The following RGL4 variants were observed in gnomAD, a reference collection of about 807,000 sequenced individuals.
RGL4 encodes ral-GDS-related protein.
In RGL4, 41 loss-of-function variants were observed where a neutral mutation model predicts 49.6. The observed-to-expected ratio is 0.83, with a 90% CI of 0.64 to 1.07. The LOEUF is 1.07. Among genes scored for constraint, RGL4 ranks in the 50% least tolerant of loss-of-function variants. RGL4 has a pLI of 0.00. For synonymous variants in RGL4, 255 were observed against 238.0 expected, an observed-to-expected ratio of 1.07 and a Z score of -0.66; for missense variants, 610 against 591.9, an observed-to-expected ratio of 1.03 and a Z score of -0.32.
At chr22:23,695,682 T>A (rs560602783) in intron 6 of RGL4, among the ~76,000 whole-genome samples, 29 of 152,266 alleles carry the variant, frequency 1.9e-4, no homozygotes, top group African/African-American at 7.0e-4. Context: ...GTCAGAGGAT[T>A]CTCACCGGTT....
chr22:23,698,720 C>T lies in RGL4; in HGVS notation c.1383-124C>T, dbSNP rs1329626527. 17 of 1,251,636 alleles carry T rather than the reference C, an allele frequency of 1.4e-5. No individual in the cohort carries two copies. The Middle Eastern group carries it at 1.0e-3, about 75-fold the overall frequency. 77.5% of individuals were successfully genotyped at this position (1,251,636 alleles called of 1,614,324 possible). On this transcript the variant is annotated intron_variant, in intron 10 of 10. Coordinates refer to ENST00000290691, the MANE Select transcript of RGL4 (RefSeq NM_153615.2). ...CAGAGAGCCTATGGCCATGCCTCCA[C>T]GGCCAGCATCAAGCCCTGTTGCATG...
rs773950515 is a variant in RGL4 at position 23,698,236 on chromosome 22, C to T, written c.1285C>T (p.Gln429Ter). 1.2e-6 allele frequency: 2 copies of T among 1,609,308 alleles called. No individual in the cohort carries two copies. The highest frequency in any genetic ancestry group is 3.3e-5 in the Admixed American group (2 of 59,922). ...GGAGGTCCGAGTTCTGCAGGAAATG[C>T]AGCTGCTCCAAGTGGCTGCCATGAA... ...SKEVRVLQEM[Q>*]LLQVAAMNYR... Residue 429 changes from glutamine to a stop codon, truncating the protein, a stop_gained, in exon 10 of 11, where the codon CAG becomes TAG. Coordinates refer to ENST00000290691, the MANE Select transcript of RGL4 (RefSeq NM_153615.2). LOFTEE classifies it high-confidence loss of function.
chr22:23,698,993 G>T lies in RGL4; in HGVS notation c.*110G>T, dbSNP rs956277546. 4 of 1,556,772 alleles carry T rather than the reference G, an allele frequency of 2.6e-6. No homozygotes were observed. Among genetic ancestry groups the T allele is most frequent in the Non-Finnish European group, 3.5e-6 (4 of 1,150,014 alleles). On this transcript the variant is annotated 3_prime_UTR_variant, in exon 11 of 11. Coordinates refer to ENST00000290691, the MANE Select transcript of RGL4 (RefSeq NM_153615.2). ...GACACCAGGGAACCACATCTAGGAG[G>T]CTGGCAGCTCAGCTGCATCTTGCCC...
Position 23,697,187 on chromosome 22 carries a change from T to A in RGL4, c.1178T>A (p.Leu393Gln), listed in dbSNP as rs776735946. The change falls in exon 8 of 11, where the codon CTG (leucine) becomes CAG (glutamine). Residue 393 changes from leucine (L) to glutamine (Q), a missense_variant. By Grantham distance (113) the Leu-to-Gln change is moderately radical (BLOSUM62 -2). Transcript: ENST00000290691. Reference sequence around the variant, plus strand: ...TTGGCACAGGGTGTGGTCCCCTTCCTGGGGGATTTTCTGACTGAGTTACAG... The same window carrying A: ...TTGGCACAGGGTGTGGTCCCCTTCCAGGGGGATTTTCTGACTGAGTTACAG... Reference protein sequence around the residue: ...RRQKKGVVPFLGDFLTELQRL... With the variant: ...RRQKKGVVPFQGDFLTELQRL... 6 of 1,611,696 alleles carry A rather than the reference T, an allele frequency of 3.7e-6. No homozygotes were observed. The South Asian group carries it at 6.6e-5, about 18-fold the overall frequency.
chr22:23,692,320 C>G lies in RGL4; in HGVS notation c.180-15C>G, dbSNP rs1442783817. The G allele has an allele frequency of 6.2e-7, 1 of 1,613,258 alleles. No homozygotes were observed. The stretch of plus-strand genomic sequence containing the variant: ...AAGGCCAGGCCTCTGACTCAGCTGT[C>G]TACTCCATCACCAGCACCATCACCT... On this transcript the variant is annotated splice_polypyrimidine_tract_variant and intron_variant, in intron 1 of 10. Coordinates refer to ENST00000290691, the MANE Select transcript of RGL4 (RefSeq NM_153615.2).
At chr22:23,696,360 C>A in intron 6 of RGL4, 1 of 1,416,986 alleles carries the variant, frequency 7.1e-7, no homozygotes. Context: ...GCAACAGCTA[C>A]AGGAAACTGA....
intron 6 of RGL4, 71 bp from the exon 7 acceptor site, chr22:23,696,543 T>A: frequency 1.2e-6 from 2 of 1,608,790 alleles, no homozygotes; most frequent in Non-Finnish European, 1.7e-6. Context: ...GGGATCCAAG[T>A]GCGGGGTGGC....
Position 23,691,600 on chromosome 22 carries a change from T to G in RGL4, c.-431T>G, listed in dbSNP as rs1601282605. 5 of 176,898 alleles carry G rather than the reference T, an allele frequency of 2.8e-5. No homozygotes were observed. In the South Asian group the frequency reaches 6.9e-4, roughly 25 times the overall value. The allele number at this position is 176,898 out of a possible 1,614,324, so 11.0% of individuals were successfully genotyped here. A position where few individuals can be genotyped will look rare whatever the true frequency, so the allele number is the denominator to read the frequency against. ...AGTCATATCTACAGAATGTTACAGG[T>G]GAGACCCTCATGGCCTCCTCTACGT... On this transcript the variant is annotated 5_prime_UTR_variant, in exon 1 of 11. Transcript: ENST00000290691.
At chr22:23,698,137 C>G in intron 9 of RGL4, 75 bp from the exon 10 acceptor site, 1 of 1,559,332 alleles carries the variant, frequency 6.4e-7, no homozygotes, top group East Asian at 2.3e-5. Context: ...GGACCAGCCC[C>G]TTCTCCCTGC....
At chr22:23,694,851 G>A in intron 5 of RGL4, 99 bp from the exon 6 acceptor site, 1 of 952,234 alleles carries the variant, frequency 1.1e-6, no homozygotes, top group South Asian at 1.3e-5. Flanking sequence ...CTCTCACCCA[G>A]TAAGCTGGGA....
Position 23,692,501 on chromosome 22 carries a change from C to T in RGL4, c.346C>T (p.Pro116Ser). The change falls in exon 2 of 11, where the codon CCG (proline) becomes TCG (serine). Residue 116 changes from proline (P) to serine (S), a missense_variant. Coordinates refer to ENST00000290691, the MANE Select transcript of RGL4 (RefSeq NM_153615.2). ...AATTGTCCTAGGCCAGTTGGTGCTT[C>T]CGGAGCCCAACGAGGCCAAGCCAGA... is the stretch of plus-strand genomic sequence containing the variant. The part of the protein sequence containing the change: ...QEIVLGQLVL[P>S]EPNEAKPDDP... The T allele has an allele frequency of 1.9e-6, 3 of 1,614,058 alleles. No homozygotes were observed. Among genetic ancestry groups the T allele is most frequent in the Non-Finnish European group, 2.5e-6 (3 of 1,179,944 alleles).
chr22:23,693,444 AG>A (rs1172370176), intron 3 of RGL4, among the ~76,000 whole-genome samples: 1 of 152,168 alleles, frequency 6.6e-6, no homozygotes, highest in Non-Finnish European at 1.5e-5. Context: ...TTGGGATGGG[AG>A]GAAGACGAGG....
chr22:23,692,196 A>C lies in RGL4; in HGVS notation c.166A>C (p.Thr56Pro). The C allele has an allele frequency of 6.2e-7, 1 of 1,613,416 alleles. No homozygotes were observed. Among genetic ancestry groups the C allele is most frequent in the Non-Finnish European group, 8.5e-7 (1 of 1,179,426 alleles). Residue 56 changes from threonine (T) to proline (P), a missense_variant, in exon 1 of 11, where the codon ACT becomes CCT. Thr to Pro is a conservative substitution (Grantham distance 38, BLOSUM62 -1). Coordinates refer to ENST00000290691, the MANE Select transcript of RGL4 (RefSeq NM_153615.2). The stretch of plus-strand genomic sequence containing the variant: ...CCAGGTCTGCCCCTTCCAGGACAGC[A>C]CTGATGGCTTACGGTAGGGTGGGGC... ...YGQVCPFQDS[T>P]DGLRTITSIL...
chr22:23,695,596 G>A (rs902001495), intron 6 of RGL4: 3 of 372,442 alleles, frequency 8.1e-6, no homozygotes, highest in African/African-American at 6.4e-5. Flanking sequence ...GGGTACCAAT[G>A]GGCATACTGG....
rs368158686 is a variant in RGL4 at position 23,696,707 on chromosome 22, T to G, written c.1161+19T>G. ...GAAGAAGGTGAGTGAGCCTGTGGCA[T>G]GGACGGGCCGCAGGGGATCAGAGGA... is the stretch of plus-strand genomic sequence containing the variant. On this transcript the variant is annotated intron_variant, in intron 7 of 10. Transcript: ENST00000290691. 217 of 1,606,358 alleles carry G rather than the reference T, an allele frequency of 1.4e-4. 1 individual carries two copies. In the African/African-American group the frequency reaches 2.2e-3, roughly 16 times the overall value.
Position 23,691,046 on chromosome 22 carries a change from A to C in RGL4, c.-985A>C, listed in dbSNP as rs1923104816. ...TCGGAGCCTCGGTTGGCTCCTCTGG[A>C]ACAGGGAGTAGTGAGAAGACGAACC... On this transcript the variant is annotated 5_prime_UTR_variant, in exon 1 of 11. Transcript: ENST00000290691. 6.6e-6 allele frequency: 1 copy of C among 152,160 alleles called. No homozygotes were observed. The highest frequency in any genetic ancestry group is 2.4e-5 in the African/African-American group (1 of 41,428). The allele number at this position is 152,160 out of a possible 1,614,324, so 9.4% of individuals were successfully genotyped here. A position where few individuals can be genotyped will look rare whatever the true frequency, so the allele number is the denominator to read the frequency against.
rs1601283840 is a variant in RGL4 at position 23,692,528 on chromosome 22, G to A, written c.373G>A (p.Asp125Asn). 1.9e-6 allele frequency: 3 copies of A among 1,612,566 alleles called. No homozygotes were observed. Among genetic ancestry groups the A allele is most frequent in the Non-Finnish European group, 8.5e-7 (1 of 1,178,906 alleles). The stretch of plus-strand genomic sequence containing the variant: ...GGAGCCCAACGAGGCCAAGCCAGAT[G>A]GTGAGGGGGCTTGCAGTCTGCAAGA... ...LPEPNEAKPD[D>N]PAPRPGQHAL... Residue 125 changes from aspartate to asparagine, a missense_variant and splice_region_variant, in exon 2 of 11, where the codon GAT becomes AAT. By Grantham distance (23) the Asp-to-Asn change is conservative. Coordinates refer to ENST00000290691, the MANE Select transcript of RGL4 (RefSeq NM_153615.2).
At position 23,692,395 on chromosome 22, in the gene RGL4, C is replaced by A. The variant is rs1238277353; in HGVS notation, c.240C>A (p.Pro80=). The A allele has an allele frequency of 2.5e-6, 4 of 1,614,214 alleles. No homozygotes were observed. Among genetic ancestry groups the A allele is most frequent in the Non-Finnish European group, 3.4e-6 (4 of 1,180,034 alleles). The change falls in exon 2 of 11, where the codon CCC becomes CCA. Residue 80 remains proline (P), a synonymous_variant. Coordinates refer to ENST00000290691, the MANE Select transcript of RGL4 (RefSeq NM_153615.2). The part of the protein sequence containing the change: ...PPENTSVYYQ[P]PQRSSFRIKL... ...AAAACACTTCAGTTTACTATCAGCC[C>A]CCGCAACGGTCATCTTTCCGGATAA... is the stretch of plus-strand genomic sequence containing the variant.
chr22:23,697,792 GGT>G, intron 8 of RGL4, 44 bp from the exon 9 acceptor site: 1 of 1,585,790 alleles, frequency 6.3e-7, no homozygotes, highest in Non-Finnish European at 8.6e-7. Flanking sequence ...GGGTGGGGCT[GGT>G]TGTGGGCCAG....
Sources: gnomAD v4.1 joint callset for allele counts (sites outside exome capture counted in the v4.1 genomes callset) on GRCh38, gnomAD v4.1.1 for gene constraint, MANE v1.5 for transcripts, NCBI Gene and HGNC (gene_info 2026-07-23, HGNC 2026-07-21) for gene names.